Variants in ELP4 observed in about 807,000 individuals in gnomAD.
The protein encoded by ELP4 is elongator complex protein 4.
In ELP4, 51 loss-of-function variants were observed where a neutral mutation model predicts 48.9. The observed-to-expected ratio is 1.04, with a 90% CI of 0.83 to 1.32. ELP4 has a LOEUF of 1.32. Ranked by LOEUF, ELP4 falls within the 40% of genes most tolerant of loss-of-function variation. ELP4 has a pLI of 0.00. For synonymous variants in ELP4, 210 were observed against 189.2 expected (o/e 1.11, Z -0.90); for missense variants, 519 against 514.6 (o/e 1.01, Z -0.08).
intron 1 of ELP4, among the ~76,000 whole-genome samples, chr11:31,515,962 T>A (rs1192849330): frequency 2.6e-5 from 4 of 151,796 alleles, no homozygotes; most frequent in South Asian, 2.1e-4. Flanking sequence ...TACAAAAAAA[T>A]TTGCCGGGTG....
intron 5 of ELP4, among the ~76,000 whole-genome samples, chr11:31,620,798 T>TAA (rs1329118065): frequency 7.2e-5 from 11 of 151,984 alleles, no homozygotes; most frequent in African/African-American, 2.7e-4. Context: ...ACCATACATG[T>TAA]AATTTGTGCA....
In ELP4 at chr11:31,790,117, A is replaced by T. The variant is rs948731824; in HGVS notation, c.*6593A>T. On this transcript the variant is annotated 3_prime_UTR_variant, in exon 10 of 10. Coordinates refer to ENST00000640961, the MANE Select transcript of ELP4 (RefSeq NM_019040.5). ...GTTTACAAAAAAAAAAAAAAAAAAA[A>T]AAACTAATACTTTCTAACATTTTTT... 2 of 779,982 alleles carry T rather than the reference A, an allele frequency of 2.6e-6. No individual in the cohort carries two copies. Among genetic ancestry groups the T allele is most frequent in the Admixed American group, 5.4e-5 (2 of 36,712 alleles). The allele number at this position is 779,982 out of a possible 1,614,324, so 48.3% of individuals were successfully genotyped here.
chr11:31,564,166 G>T (rs922141953), intron 3 of ELP4, among the ~76,000 whole-genome samples: 2 of 152,032 alleles, frequency 1.3e-5, no homozygotes, highest in East Asian at 1.9e-4. Flanking sequence ...ATATAATAAT[G>T]TATTGAATAC....
chr11:31,632,194 G>A (rs201179012), intron 6 of ELP4, 23 bp from the exon 7 acceptor site: 263 of 1,580,874 alleles, frequency 1.7e-4, no homozygotes, highest in Non-Finnish European at 2.2e-4. Context: ...TTATATGTTT[G>A]CTTTTTTCCC....
intron 9 of ELP4, among the ~76,000 whole-genome samples, chr11:31,732,419 T>C (rs1026715603): frequency 7.2e-6 from 1 of 139,228 alleles, no homozygotes; most frequent in Non-Finnish European, 1.6e-5. Flanking sequence ...ACAAAGAAAA[T>C]ACCTTTAGAA....
At chr11:31,671,412 A>G (rs1490739206) in intron 9 of ELP4, among the ~76,000 whole-genome samples, 3 of 152,236 alleles carry the variant, frequency 2.0e-5, no homozygotes, top group East Asian at 1.9e-4. Flanking sequence ...TGATTATTTC[A>G]TATTACTTAA....
chr11:31,517,784 T>A (rs1956143864), intron 1 of ELP4, among the ~76,000 whole-genome samples: 1 of 151,554 alleles, frequency 6.6e-6, no homozygotes, highest in Non-Finnish European at 1.5e-5. Context: ...GCCCAGCTAA[T>A]TTTTTTTGTA....
chr11:31,560,713 G>GTTTTATATATATATAAAAC (rs1957009294), intron 3 of ELP4, among the ~76,000 whole-genome samples: 3 of 148,414 alleles, frequency 2.0e-5, no homozygotes, highest in Non-Finnish European at 4.5e-5. Flanking sequence ...AAACAACGTT[G>GTTTTATATATATATAAAAC]TTTTATATAT....
chr11:31,692,900 A>G lies in ELP4; in HGVS notation c.1143+42679A>G, dbSNP rs80233109. Among the ~76,000 whole-genome samples, 29 of 152,240 alleles carry G rather than the reference A, an allele frequency of 1.9e-4. No homozygotes were observed. The East Asian group carries it at 5.6e-3, about 29-fold the overall frequency. On this transcript the variant is annotated intron_variant, in intron 9 of 9. Transcript: ENST00000640961. Reference sequence around the variant, plus strand: ...TGAATACCTCCGTTTATGCTCTGGTAGCATCCTGTATTTTCTCTATCATAG... The same window carrying G: ...TGAATACCTCCGTTTATGCTCTGGTGGCATCCTGTATTTTCTCTATCATAG...
intron 9 of ELP4, among the ~76,000 whole-genome samples, chr11:31,718,551 T>C (rs1946888415): frequency 6.6e-6 from 1 of 152,192 alleles, no homozygotes; most frequent in Non-Finnish European, 1.5e-5. Flanking sequence ...TGGAAAAATT[T>C]GATGGCTACA....
chr11:31,582,408 T>G (rs964675924), intron 3 of ELP4, among the ~76,000 whole-genome samples: 1 of 152,236 alleles, frequency 6.6e-6, no homozygotes, highest in South Asian at 2.1e-4. Context: ...ATTATTTTTT[T>G]CGCAAATCTG....
intron 3 of ELP4, among the ~76,000 whole-genome samples, chr11:31,582,069 A>T (rs935986782): frequency 6.6e-6 from 1 of 152,134 alleles, no homozygotes; most frequent in African/African-American, 2.4e-5. Flanking sequence ...CTATGTCTTT[A>T]GAAAGCCATA....
intron 9 of ELP4, among the ~76,000 whole-genome samples, chr11:31,739,151 G>A (rs572745949): frequency 5.9e-5 from 9 of 152,122 alleles, no homozygotes; most frequent in African/African-American, 2.2e-4. Flanking sequence ...GACAAATGGG[G>A]AATGTTAGGA....
intron 2 of ELP4, among the ~76,000 whole-genome samples, chr11:31,537,294 C>T (rs1956516569): frequency 6.6e-6 from 1 of 152,130 alleles, no homozygotes; most frequent in Non-Finnish European, 1.5e-5. Flanking sequence ...ATTATTTCTC[C>T]ACCTTTGTCA....
In ELP4 at chr11:31,539,650, T is replaced by G; in HGVS notation, c.260-12T>G. 6.3e-7 allele frequency: 1 copy of G among 1,593,166 alleles called. No homozygotes were observed. Among genetic ancestry groups the G allele is most frequent in the Non-Finnish European group, 8.5e-7 (1 of 1,171,658 alleles). ...GCTATATGTTTCTAACTGCAACTTT[T>G]CCTTTTTACAGAGGAGGATAAATAT... On this transcript the variant is annotated splice_polypyrimidine_tract_variant and intron_variant, in intron 2 of 9. Transcript: ENST00000640961.
chr11:31,555,462 G>A (rs962890671), intron 3 of ELP4, among the ~76,000 whole-genome samples: 6 of 151,550 alleles, frequency 4.0e-5, no homozygotes, highest in Non-Finnish European at 8.8e-5. Flanking sequence ...TATTTGTTAT[G>A]GAATAATAAA....
At chr11:31,781,325 C>G (rs1266300401) in intron 9 of ELP4, among the ~76,000 whole-genome samples, 1 of 151,764 alleles carries the variant, frequency 6.6e-6, no homozygotes, top group Admixed American at 6.6e-5. Flanking sequence ...TTTTCTTTTG[C>G]TCATTAGCAA....
At chr11:31,749,965 C>G (rs11825296) in intron 9 of ELP4, among the ~76,000 whole-genome samples, 1 of 151,936 alleles carries the variant, frequency 6.6e-6, no homozygotes, top group African/African-American at 2.4e-5. Context: ...ACGCCATTCT[C>G]CTGCCTCAGC....
At chr11:31,662,429 G>A (rs1047651468) in intron 9 of ELP4, 1 of 394,280 alleles carries the variant, frequency 2.5e-6, no homozygotes, top group Non-Finnish European at 4.5e-6. Context: ...ATGGCCCATG[G>A]GCCAAATCCA....
Sources: allele counts gnomAD v4.1 joint callset (sites outside exome capture counted in the v4.1 genomes callset), GRCh38; gene constraint gnomAD v4.1.1; transcripts MANE v1.5; gene names NCBI Gene and HGNC (gene_info 2026-07-23, HGNC 2026-07-21).